The following CNTNAP5 variants were observed in gnomAD, a reference collection of about 807,000 sequenced individuals.
The protein encoded by CNTNAP5 is contactin associated protein family member 5, also known as contactin-associated protein-like 5.
CNTNAP5 carries 72 observed loss-of-function variants against 150.2 expected under a neutral mutation model. The ratio of observed to expected loss-of-function variants is 0.48; its 90% CI spans 0.40 to 0.58. The LOEUF is 0.58. Among genes scored for constraint, CNTNAP5 ranks in the 20% least tolerant of loss-of-function variants. CNTNAP5 has a pLI of 0.00. For missense variants in CNTNAP5, 1,636 were observed against 1,626.2 expected (o/e 1.01, Z -0.10); for synonymous variants, 672 against 619.8 (o/e 1.08, Z -1.25).
intron 3 of CNTNAP5, among the ~76,000 whole-genome samples, chr2:124,390,995 G>T (rs1403764729): frequency 2.0e-5 from 3 of 152,170 alleles, no homozygotes; most frequent in Non-Finnish European, 4.4e-5. Flanking sequence ...GTATTATTCT[G>T]CATGGTCCAG....
chr2:124,777,213 T>C (rs1002020277), intron 17 of CNTNAP5, among the ~76,000 whole-genome samples: 1 of 152,030 alleles, frequency 6.6e-6, no homozygotes, highest in African/African-American at 2.4e-5. Flanking sequence ...AAAATCAGGT[T>C]CTTGTAGCTT....
At chr2:124,559,604 A>T (rs992683272) in intron 10 of CNTNAP5, among the ~76,000 whole-genome samples, 2 of 152,226 alleles carry the variant, frequency 1.3e-5, no homozygotes, top group Non-Finnish European at 2.9e-5. Context: ...TACACCTAAA[A>T]GAGTGAGTGC....
At chr2:124,878,980 G>A (rs1677914888) in intron 21 of CNTNAP5, among the ~76,000 whole-genome samples, 1 of 151,986 alleles carries the variant, frequency 6.6e-6, no homozygotes, top group South Asian at 2.1e-4. Context: ...ACCACACCTG[G>A]CCAATAATAC....
chr2:124,083,043 A>G, intron 1 of CNTNAP5, among the ~76,000 whole-genome samples: 1 of 152,106 alleles, frequency 6.6e-6, no homozygotes, highest in East Asian at 1.9e-4. Context: ...CCTTGGTTAG[A>G]TATGTGGCTT....
At chr2:124,334,311 G>A (rs568314383) in intron 3 of CNTNAP5, among the ~76,000 whole-genome samples, 6 of 152,296 alleles carry the variant, frequency 3.9e-5, no homozygotes, top group Non-Finnish European at 7.3e-5. Flanking sequence ...CCAGATGGAA[G>A]GTTGAGGCCA....
At chr2:124,034,650 A>C (rs1681161984) in intron 1 of CNTNAP5, among the ~76,000 whole-genome samples, 3 of 152,224 alleles carry the variant, frequency 2.0e-5, no homozygotes, top group Admixed American at 2.0e-4. Context: ...CATCTAGAGA[A>C]GTGAGGAGCA....
chr2:124,600,913 G>A (rs1259934491), intron 11 of CNTNAP5, among the ~76,000 whole-genome samples: 1 of 152,060 alleles, frequency 6.6e-6, no homozygotes, highest in Non-Finnish European at 1.5e-5. Context: ...TGAAATCCAA[G>A]AAACAAACAA....
intron 19 of CNTNAP5, among the ~76,000 whole-genome samples, chr2:124,857,589 G>A (rs1325883544): frequency 6.6e-6 from 1 of 152,004 alleles, no homozygotes; most frequent in East Asian, 1.9e-4. Flanking sequence ...ACTTTGGGAG[G>A]CCGAGGCGGG....
intron 3 of CNTNAP5, among the ~76,000 whole-genome samples, chr2:124,273,141 C>T (rs1346329310): frequency 6.6e-6 from 1 of 152,162 alleles, no homozygotes; most frequent in Non-Finnish European, 1.5e-5. Context: ...AGTATAATGC[C>T]TGTCACATAT....
At chr2:124,392,551 A>G (rs1691141374) in intron 3 of CNTNAP5, among the ~76,000 whole-genome samples, 1 of 152,146 alleles carries the variant, frequency 6.6e-6, no homozygotes, top group African/African-American at 2.4e-5. Flanking sequence ...GTAAAGCCAT[A>G]TTGAAATTTA....
chr2:124,350,721 ATATAG>A (rs1689857309), intron 3 of CNTNAP5, among the ~76,000 whole-genome samples: 1 of 152,072 alleles, frequency 6.6e-6, no homozygotes, highest in Non-Finnish European at 1.5e-5. Flanking sequence ...TTTATTGGAG[ATATAG>A]TATATGTAAG....
At chr2:124,322,196 A>AAATGC (rs1323488255) in intron 3 of CNTNAP5, among the ~76,000 whole-genome samples, 1 of 132,084 alleles carries the variant, frequency 7.6e-6, no homozygotes, top group African/African-American at 3.0e-5. Context: ...AAATAAAATA[A>AAATGC]AATAAAATGC....
intron 1 of CNTNAP5, among the ~76,000 whole-genome samples, chr2:124,160,456 A>G (rs1161489085): frequency 2.6e-5 from 4 of 152,186 alleles, no homozygotes; most frequent in East Asian, 1.9e-4. Context: ...CTTCTCCCCA[A>G]CAATAAGCTC....
At chr2:124,655,636 A>C (rs917891882) in intron 13 of CNTNAP5, among the ~76,000 whole-genome samples, 2 of 151,810 alleles carry the variant, frequency 1.3e-5, no homozygotes, top group African/African-American at 4.8e-5. Flanking sequence ...CATGGCTTAC[A>C]CCTTTAATCC....
intron 13 of CNTNAP5, among the ~76,000 whole-genome samples, chr2:124,690,021 G>A (rs932446757): frequency 2.1e-5 from 3 of 142,416 alleles, no homozygotes; most frequent in Non-Finnish European, 3.2e-5. Context: ...TCACTTACGG[G>A]AAATTTTTTT....
chr2:124,484,315 C>A (rs1693822141), intron 7 of CNTNAP5, among the ~76,000 whole-genome samples: 1 of 152,140 alleles, frequency 6.6e-6, no homozygotes, highest in East Asian at 1.9e-4. Context: ...AAAAGAAACA[C>A]CCTTTTATGT....
chr2:124,480,427 G>T (rs1693737079), intron 7 of CNTNAP5, among the ~76,000 whole-genome samples: 1 of 152,068 alleles, frequency 6.6e-6, no homozygotes, highest in South Asian at 2.1e-4. Flanking sequence ...ATTTCTTATG[G>T]CTCTAAAGCC....
At chr2:124,602,256 A>G (rs1697002607) in intron 11 of CNTNAP5, among the ~76,000 whole-genome samples, 1 of 149,326 alleles carries the variant, frequency 6.7e-6, no homozygotes, top group Non-Finnish European at 1.5e-5. Flanking sequence ...GCAGGAGAAT[A>G]GCTTGAACCA....
intron 13 of CNTNAP5, among the ~76,000 whole-genome samples, chr2:124,681,301 C>CAAA (rs70996097): frequency 8.8e-4 from 64 of 72,322 alleles, no homozygotes; most frequent in African/African-American, 3.1e-3. Flanking sequence ...GACTCCATCT[C>CAAA]AAAAAAAAAA....
Sources: allele counts gnomAD v4.1 joint callset (sites outside exome capture counted in the v4.1 genomes callset), GRCh38; gene constraint gnomAD v4.1.1; transcripts MANE v1.5; gene names NCBI Gene and HGNC (gene_info 2026-07-23, HGNC 2026-07-21).